NDC1: variants seen among roughly 807,000 people sequenced by gnomAD.
The protein encoded by NDC1 is nucleoporin NDC1.
NDC1 carries 24 observed loss-of-function variants against 89.8 expected under a neutral mutation model. The observed-to-expected ratio is 0.27, with a 90% CI of 0.19 to 0.38. The LOEUF is 0.38. Ranked by LOEUF, NDC1 falls within the 10% of genes least tolerant of loss-of-function variation. NDC1 has a pLI of 1.00. For synonymous variants in NDC1, 296 were observed against 284.8 expected (o/e 1.04, Z -0.39); for missense variants, 728 against 797.6 (o/e 0.91, Z 1.05).
rs765055001 is a variant in NDC1, at chr1:53,800,792, C to T, written c.1123G>A (p.Gly375Ser). The T allele has an allele frequency of 1.5e-5, 24 of 1,612,842 alleles. No homozygotes were observed. The highest frequency in any genetic ancestry group is 1.9e-5 in the Non-Finnish European group (23 of 1,179,500). ...TAGAGAATCAGTTTCTGAGTCATACCATTTAAAAGATTCAAACACTCCCTT... is the reference window on the plus strand; with the variant it reads ...TAGAGAATCAGTTTCTGAGTCATACTATTTAAAAGATTCAAACACTCCCTT... The part of the protein sequence containing the change: ...ISRECLNLLN[G>S]MTQKLILYQE... The change falls in exon 11 of 18, where the codon GGT (glycine) becomes AGT (serine). Residue 375 changes from glycine to serine, a missense_variant. Transcript: ENST00000371429.
Position 53,767,039 on chromosome 1 carries a change from T to A in NDC1, c.*931A>T, listed in dbSNP as rs543837450. On this transcript the variant is annotated 3_prime_UTR_variant, in exon 18 of 18. Transcript: ENST00000371429. ...CCTATTTTAATTAGCCATTTAACAC[T>A]ACAGAGGCTGCTCCCTTTGAGAGAC... is the stretch of plus-strand genomic sequence containing the variant. 1 of 152,320 alleles carries A rather than the reference T, an allele frequency of 6.6e-6. No homozygotes were observed. Among genetic ancestry groups the A allele is most frequent in the East Asian group, 1.9e-4 (1 of 5,188 alleles). 9.4% of individuals were successfully genotyped at this position (152,320 alleles called of 1,614,324 possible).
At chr1:53,801,888 C>A (rs945966812) in intron 10 of NDC1, among the ~76,000 whole-genome samples, 2 of 152,158 alleles carry the variant, frequency 1.3e-5, no homozygotes, top group Non-Finnish European at 2.9e-5. Context: ...TCCCGAGTAG[C>A]TGGGATTATA....
At chr1:53,825,573 T>C (rs1648826976) in intron 5 of NDC1, among the ~76,000 whole-genome samples, 1 of 151,936 alleles carries the variant, frequency 6.6e-6, no homozygotes, top group South Asian at 2.1e-4. Flanking sequence ...AGCAAAGAGG[T>C]ATTCTGAGAT....
chr1:53,800,103 T>C (rs988455270), intron 11 of NDC1, among the ~76,000 whole-genome samples: 48 of 152,292 alleles, frequency 3.2e-4, no homozygotes, highest in African/African-American at 1.1e-3. Flanking sequence ...ATTTTGGTAG[T>C]GTTTTTAATG....
At chr1:53,828,537 C>A (rs1006901517) in intron 3 of NDC1, among the ~76,000 whole-genome samples, 1 of 151,828 alleles carries the variant, frequency 6.6e-6, no homozygotes, top group Non-Finnish European at 1.5e-5. Context: ...AATGGTCTTG[C>A]AGTGTGGGAG....
chr1:53,828,226 G>A (rs1325440234), intron 3 of NDC1, 53 bp from the exon 4 acceptor site: 1 of 1,545,298 alleles, frequency 6.5e-7, no homozygotes, highest in African/African-American at 1.4e-5. Context: ...TATGCAGTTA[G>A]AGGATCTAAA....
chr1:53,805,310 G>C (rs564954676), intron 9 of NDC1, among the ~76,000 whole-genome samples: 25 of 152,126 alleles, frequency 1.6e-4, no homozygotes, highest in Middle Eastern at 3.4e-3. Context: ...CTCAAGGAAT[G>C]CAATTGCCTC....
Position 53,788,848 on chromosome 1 carries a change from G to A in NDC1, c.1699+285C>T, listed in dbSNP as rs541602209. ...GAAGGTTGAGGATACAGTGAGCCAT[G>A]TTCATAACACTGCACTACAGCCTGG... On this transcript the variant is annotated intron_variant, in intron 15 of 17. Coordinates refer to ENST00000371429, the MANE Select transcript of NDC1 (RefSeq NM_018087.5). Among the ~76,000 whole-genome samples, 129 of 151,854 alleles carry A rather than the reference G, an allele frequency of 8.5e-4. 1 individual carries two copies. The highest frequency in any genetic ancestry group is 2.9e-3 in the African/African-American group (122 of 41,436).
In NDC1 at chr1:53,825,895, T is replaced by C; in HGVS notation, c.497A>G (p.His166Arg). Reference protein sequence around the residue: ...PAAQTCLNEYHLFFLLTGAFM... With the variant: ...PAAQTCLNEYRLFFLLTGAFM... Reference sequence around the variant, plus strand: ...TGCTCCAGTCAGTAGGAAAAAAAGATGATATTCATTTAAGCAGGTTTGCGC... The same window carrying C: ...TGCTCCAGTCAGTAGGAAAAAAAGACGATATTCATTTAAGCAGGTTTGCGC... Residue 166 changes from histidine to arginine, a missense_variant, in exon 5 of 18, where the codon CAT (histidine) becomes CGT (arginine). Transcript: ENST00000371429. The C allele has an allele frequency of 6.2e-7, 1 of 1,611,090 alleles. No homozygotes were observed. Among genetic ancestry groups the C allele is most frequent in the Non-Finnish European group, 8.5e-7 (1 of 1,179,098 alleles).
chr1:53,768,060 A>C (rs1647081410), intron 17 of NDC1, 27 bp from the exon 18 acceptor site: 1 of 1,555,844 alleles, frequency 6.4e-7, no homozygotes, highest in South Asian at 1.2e-5. Context: ...TTCAAAGCAT[A>C]AGCTTTATTT....
chr1:53,836,311 G>C (rs1649229436), intron 1 of NDC1, among the ~76,000 whole-genome samples: 1 of 152,054 alleles, frequency 6.6e-6, no homozygotes, highest in African/African-American at 2.4e-5. Context: ...ACTTTGGGAG[G>C]CCAGGGTGGG....
At chr1:53,778,263 A>T (rs1647178179) in intron 16 of NDC1, among the ~76,000 whole-genome samples, 1 of 84,554 alleles carries the variant, frequency 1.2e-5, no homozygotes, top group African/African-American at 6.7e-5. Flanking sequence ...GTGTATATAC[A>T]CACACACACA....
intron 17 of NDC1, among the ~76,000 whole-genome samples, chr1:53,768,629 A>G (rs1418537379): frequency 6.6e-6 from 1 of 152,224 alleles, no homozygotes; most frequent in African/African-American, 2.4e-5. Context: ...TGAAACTAGT[A>G]TAATACTTCC....
rs777422461 is a variant in NDC1 at position 53,807,737 on chromosome 1, G to C, written c.810C>G (p.Leu270=). Residue 270 remains leucine, a synonymous_variant, in exon 8 of 18, where the codon CTC becomes CTG. Coordinates refer to ENST00000371429, the MANE Select transcript of NDC1 (RefSeq NM_018087.5). ...AGACACCACACAGCCAGACATGGTA[G>C]AGTAACGAGAGATTTAAGAGGCCAC... ...TVSGLLNLSL[L]YHVWLCGVFL... is the part of the protein sequence containing the mutation. 6 of 1,613,898 alleles carry C rather than the reference G, an allele frequency of 3.7e-6. No homozygotes were observed. Among genetic ancestry groups the C allele is most frequent in the Admixed American group, 3.3e-5 (2 of 59,990 alleles).
intron 13 of NDC1, among the ~76,000 whole-genome samples, chr1:53,795,579 G>A (rs1647670252): frequency 6.6e-6 from 1 of 151,976 alleles, no homozygotes; most frequent in South Asian, 2.1e-4. Flanking sequence ...AACCTTACCA[G>A]TGAACACTGA....
chr1:53,774,337 G>A (rs1647143895), intron 16 of NDC1, among the ~76,000 whole-genome samples: 1 of 152,150 alleles, frequency 6.6e-6, no homozygotes, highest in African/African-American at 2.4e-5. Context: ...AAAAGTGACA[G>A]TTGAAAAAAT....
rs865777947 is a variant in NDC1 at position 53,796,727 on chromosome 1, T to C, written c.1546A>G (p.Ser516Gly). 2.5e-6 allele frequency: 4 copies of C among 1,610,896 alleles called. No homozygotes were observed. Among genetic ancestry groups the C allele is most frequent in the East Asian group, 4.5e-5 (2 of 44,852 alleles). ...TTCTGAATCCATGAATAAATCACACTGGGTTGTCTCATTGTCTTACCCTCA... is the reference window on the plus strand; with the variant it reads ...TTCTGAATCCATGAATAAATCACACCGGGTTGTCTCATTGTCTTACCCTCA... Reference protein sequence around the residue: ...SAEGKTMRQPSVIYSWIQNKR... With the variant: ...SAEGKTMRQPGVIYSWIQNKR... The change falls in exon 13 of 18, where the codon AGT (serine) becomes GGT (glycine). Residue 516 changes from serine (S) to glycine (G), a missense_variant. By Grantham distance (56) the Ser-to-Gly change is moderately conservative. Coordinates refer to ENST00000371429, the MANE Select transcript of NDC1 (RefSeq NM_018087.5).
At chr1:53,822,550 C>T (rs932824091) in intron 5 of NDC1, among the ~76,000 whole-genome samples, 6 of 151,560 alleles carry the variant, frequency 4.0e-5, no homozygotes, top group Admixed American at 6.6e-5. Flanking sequence ...ATCCTTTAAC[C>T]GGTAAACTGT....
At chr1:53,825,263 G>A (rs1353480930) in intron 5 of NDC1, among the ~76,000 whole-genome samples, 1 of 151,890 alleles carries the variant, frequency 6.6e-6, no homozygotes, top group Non-Finnish European at 1.5e-5. Context: ...ATTACTTGAG[G>A]TCAGGAGTTC....
Sources: gnomAD v4.1 joint callset for allele counts (sites outside exome capture counted in the v4.1 genomes callset) on GRCh38, gnomAD v4.1.1 for gene constraint, MANE v1.5 for transcripts, NCBI Gene and HGNC (gene_info 2026-07-23, HGNC 2026-07-21) for gene names.